Variants in MGMT observed in about 807,000 individuals in gnomAD.
MGMT encodes the protein O-6-methylguanine-DNA methyltransferase.
MGMT carries 14 observed loss-of-function variants against 15.9 expected under a neutral mutation model. The observed-to-expected ratio is 0.88, with a 90% CI of 0.58 to 1.37. The LOEUF is 1.37. MGMT is among the 40% of genes most tolerant of loss of function. MGMT has a pLI of 0.00. For missense variants in MGMT, 282 were observed against 268.1 expected (o/e 1.05, Z -0.36); for synonymous variants, 130 against 118.2 (o/e 1.10, Z -0.65).
intron 3 of MGMT, among the ~76,000 whole-genome samples, chr10:129,710,161 A>C (rs1417443185): frequency 1.3e-5 from 2 of 152,140 alleles, no homozygotes; most frequent in Non-Finnish European, 2.9e-5. Context: ...CTGGCAGGTC[A>C]TGATAGGTCT....
At chr10:129,728,759 C>T (rs976011123) in intron 3 of MGMT, among the ~76,000 whole-genome samples, 1 of 151,798 alleles carries the variant, frequency 6.6e-6, no homozygotes, top group Admixed American at 6.6e-5. Context: ...TTCTCTGTCC[C>T]CCTGGTATTG....
Position 129,556,934 on chromosome 10 carries a change from C to T in MGMT, c.125+20557C>T, listed in dbSNP as rs544144814. On this transcript the variant is annotated intron_variant, in intron 2 of 4. Coordinates refer to ENST00000651593, the MANE Select transcript of MGMT (RefSeq NM_002412.5). This position sits in a 1 kb window ranked among gnomAD's most constrained non-coding sequence, Gnocchi z 4.3. ...GGCTACCCTTCATTGAAGGGGGGCC[C>T]GTGATGTTGAGTGTTCACCGTCTTT... is the stretch of plus-strand genomic sequence containing the variant. Among the ~76,000 whole-genome samples, 3 of 152,028 alleles carry T rather than the reference C, an allele frequency of 2.0e-5. No homozygotes were observed. Among genetic ancestry groups the T allele is most frequent in the Non-Finnish European group, 4.4e-5 (3 of 68,012 alleles).
At chr10:129,732,648 C>A (rs1225359558) in intron 3 of MGMT, among the ~76,000 whole-genome samples, 4 of 150,466 alleles carry the variant, frequency 2.7e-5, no homozygotes, top group African/African-American at 9.8e-5. Flanking sequence ...TGCTTGTGCA[C>A]TGCACCCACT....
Position 129,527,742 on chromosome 10 carries a change from C to T in MGMT, c.-12-8499C>T, listed in dbSNP as rs141662720. 6.0e-3 allele frequency among the ~76,000 whole-genome samples: 900 copies of T among 149,886 alleles called. 8 individuals carry two copies. The highest frequency in any genetic ancestry group is 0.021 in the African/African-American group (827 of 39,934). On this transcript the variant is annotated intron_variant, in intron 1 of 4. Transcript: ENST00000651593. Reference sequence around the variant, plus strand: ...CCCCACCCTTGACACGCCTGGAATCCGTGTTCTCCCTCGTTTCTCCGACTT... The same window carrying T: ...CCCCACCCTTGACACGCCTGGAATCTGTGTTCTCCCTCGTTTCTCCGACTT...
chr10:129,575,911 A>G (rs1047112674), intron 2 of MGMT, among the ~76,000 whole-genome samples: 2 of 152,156 alleles, frequency 1.3e-5, no homozygotes, highest in Non-Finnish European at 2.9e-5. Context: ...AAACACCTCT[A>G]TGCAAATAAA....
chr10:129,684,732 T>C (rs1209277396), intron 2 of MGMT, among the ~76,000 whole-genome samples: 2 of 152,238 alleles, frequency 1.3e-5, no homozygotes, highest in African/African-American at 2.4e-5. Flanking sequence ...ACTTTTGTTA[T>C]GCTCCAAAGC....
chr10:129,528,483 G>T (rs1217029436), intron 1 of MGMT, among the ~76,000 whole-genome samples: 1 of 151,976 alleles, frequency 6.6e-6, no homozygotes, highest in African/African-American at 2.4e-5. Flanking sequence ...AGGCTGTGAA[G>T]CGAGAGCGAG....
chr10:129,574,133 C>T (rs1028268563), intron 2 of MGMT, among the ~76,000 whole-genome samples: 2 of 152,212 alleles, frequency 1.3e-5, no homozygotes, highest in Non-Finnish European at 2.9e-5. Flanking sequence ...CAGTTACTGT[C>T]TCCCTTTGGA....
intron 1 of MGMT, among the ~76,000 whole-genome samples, chr10:129,517,451 C>T (rs776205920): frequency 5.9e-5 from 9 of 152,246 alleles, no homozygotes; most frequent in Non-Finnish European, 1.2e-4. Context: ...ATGACTGACA[C>T]GTGCTTGGGG....
chr10:129,685,478 C>T (rs1284086963), intron 2 of MGMT, among the ~76,000 whole-genome samples: 1 of 152,166 alleles, frequency 6.6e-6, no homozygotes, highest in Non-Finnish European at 1.5e-5. Context: ...CCTCCTCGAC[C>T]CTCCACCTCC....
At chr10:129,538,074 G>A (rs191136814) in intron 2 of MGMT, among the ~76,000 whole-genome samples, 86 of 152,128 alleles carry the variant, frequency 5.7e-4, no homozygotes, top group East Asian at 1.4e-3. Context: ...ATTTTAGTGG[G>A]GGGAGCATTT....
At chr10:129,647,706 G>A (rs894185207) in intron 2 of MGMT, among the ~76,000 whole-genome samples, 8 of 152,084 alleles carry the variant, frequency 5.3e-5, no homozygotes, top group African/African-American at 1.4e-4. Flanking sequence ...TTTAAATAGC[G>A]GCAACAGAAA....
chr10:129,672,787 A>G (rs998828222), intron 2 of MGMT, among the ~76,000 whole-genome samples: 2 of 152,026 alleles, frequency 1.3e-5, no homozygotes, highest in African/African-American at 2.4e-5. Flanking sequence ...AATCCCTGTG[A>G]TCTATTTTTT....
At chr10:129,744,119 A>G (rs1311425947) in intron 3 of MGMT, among the ~76,000 whole-genome samples, 1 of 152,232 alleles carries the variant, frequency 6.6e-6, no homozygotes, top group South Asian at 2.1e-4. Context: ...TCCAAAAACC[A>G]GGCAGTGGTG....
intron 2 of MGMT, among the ~76,000 whole-genome samples, chr10:129,683,131 GAGCC>G: frequency 6.6e-6 from 1 of 152,234 alleles, no homozygotes; most frequent in Non-Finnish European, 1.5e-5. Context: ...TTACAGGCGT[GAGCC>G]ACCACGCCCA....
intron 1 of MGMT, among the ~76,000 whole-genome samples, chr10:129,499,204 T>A (rs1845551666): frequency 6.6e-6 from 1 of 152,234 alleles, no homozygotes; most frequent in Non-Finnish European, 1.5e-5. Context: ...GAACAGTATT[T>A]CCTATGCTTG....
At chr10:129,540,394 C>G (rs1846030767) in intron 2 of MGMT, among the ~76,000 whole-genome samples, 1 of 152,176 alleles carries the variant, frequency 6.6e-6, no homozygotes, top group African/African-American at 2.4e-5. Context: ...GTCCAGAACC[C>G]TCCAGGATGA....
intron 3 of MGMT, among the ~76,000 whole-genome samples, chr10:129,747,780 G>A (rs940896831): frequency 6.6e-6 from 1 of 152,086 alleles, no homozygotes; most frequent in Non-Finnish European, 1.5e-5. Context: ...TAGCTCCTTT[G>A]GCCCCTCTTG....
At chr10:129,759,904 G>A (rs1372528046) in intron 4 of MGMT, among the ~76,000 whole-genome samples, 1 of 152,180 alleles carries the variant, frequency 6.6e-6, no homozygotes, top group Non-Finnish European at 1.5e-5. Context: ...TGCAGCATGG[G>A]ACAAGGGACC....
Sources: gnomAD v4.1 joint callset for allele counts (sites outside exome capture counted in the v4.1 genomes callset) on GRCh38, gnomAD v4.1.1 for gene constraint, Gnocchi (gnomAD v3.1) non-coding constraint, MANE v1.5 for transcripts, NCBI Gene and HGNC (gene_info 2026-07-23, HGNC 2026-07-21) for gene names.